The following PLD5 variants were observed in gnomAD, a reference collection of about 807,000 sequenced individuals.
The protein encoded by PLD5 is phospholipase D family member 5, also known as inactive phospholipase D5.
In PLD5, 36 loss-of-function variants were observed where a neutral mutation model predicts 61.1. The ratio of observed to expected loss-of-function variants is 0.59; its 90% CI spans 0.45 to 0.78. The LOEUF (loss-of-function observed/expected upper bound fraction) is 0.78, where lower values mean the gene tolerates loss of function less well. Among genes scored for constraint, PLD5 ranks in the 30% least tolerant of loss-of-function variants. The pLI, the probability that PLD5 is intolerant of heterozygous loss-of-function variation, is 0.00. For synonymous variants in PLD5, 243 were observed against 242.8 expected, an observed-to-expected ratio of 1.00 and a Z score of -0.01; for missense variants, 515 against 644.4, an observed-to-expected ratio of 0.80 and a Z score of 2.17.
intron 5 of PLD5, among the ~76,000 whole-genome samples, chr1:242,189,854 G>A (rs1166592824): frequency 6.6e-6 from 1 of 152,206 alleles, no homozygotes; most frequent in Non-Finnish European, 1.5e-5. Flanking sequence ...AAGAAGGGGG[G>A]CAAGCTTGGC....
intron 3 of PLD5, among the ~76,000 whole-genome samples, chr1:242,274,007 G>A (rs1357984619): frequency 6.6e-6 from 1 of 152,118 alleles, no homozygotes; most frequent in Non-Finnish European, 1.5e-5. Flanking sequence ...CTACCTCCAG[G>A]TCTGTAAGAA....
intron 2 of PLD5, among the ~76,000 whole-genome samples, chr1:242,327,946 A>T (rs1387967288): frequency 6.6e-6 from 1 of 151,502 alleles, no homozygotes; most frequent in East Asian, 2.0e-4. Flanking sequence ...GAAAAAAAAA[A>T]TTAGCTGGGT....
intron 5 of PLD5, among the ~76,000 whole-genome samples, chr1:242,148,210 T>C (rs890595319): frequency 6.7e-6 from 1 of 150,308 alleles, no homozygotes; most frequent in Admixed American, 6.7e-5. Flanking sequence ...AGTATGAATC[T>C]AGATCATTTT....
In PLD5 at chr1:242,447,544, T is replaced by C. The variant is rs374263861; in HGVS notation, c.189+76544A>G. Among the ~76,000 whole-genome samples, 336 of 152,376 alleles carry C rather than the reference T, an allele frequency of 2.2e-3. 3 individuals are homozygous for C. In the South Asian group the frequency reaches 0.023, roughly 10 times the overall value. ...GGTGGTCCCTGTTAAATTATTGCCA[T>C]TTTAGTGTCTGTCATTAAGAAGAGC... On this transcript the variant is annotated intron_variant, in intron 1 of 9. Transcript: ENST00000536534.
In PLD5 at chr1:242,098,388, A is replaced by AT. The variant is rs1179486362; in HGVS notation, c.1354+2279dup. ...CTTGTGCATTCGTCACGTAGTTCTC[A>AT]TGCCGTGGTTTTCAGCTCCATCAGA... On this transcript the variant is annotated intron_variant, in intron 9 of 9. Coordinates refer to ENST00000536534, the MANE Select transcript of PLD5 (RefSeq NM_001372062.1). Among the ~76,000 whole-genome samples, 6 of 152,150 alleles carry AT rather than the reference A, an allele frequency of 3.9e-5. No individual in the cohort carries two copies. In the South Asian group the frequency reaches 1.2e-3, roughly 32 times the overall value.
chr1:242,496,701 A>G (rs1324310379), intron 1 of PLD5, among the ~76,000 whole-genome samples: 1 of 152,230 alleles, frequency 6.6e-6, no homozygotes, highest in East Asian at 1.9e-4. Flanking sequence ...TATCTAAAGA[A>G]GCTCAGAACT....
chr1:242,284,119 CTTTTTTTTTT>C (rs565165218), intron 3 of PLD5, among the ~76,000 whole-genome samples: 4 of 75,950 alleles, frequency 5.3e-5, no homozygotes, highest in South Asian at 6.4e-4. Context: ...TTTCTTTTTC[CTTTTTTTTTT>C]TTTTTTTTTT....
At chr1:242,262,711 T>C (rs147586189) in intron 4 of PLD5, among the ~76,000 whole-genome samples, 13,004 of 151,730 alleles carry the variant, frequency 0.086, 564 homozygotes, top group Middle Eastern at 0.12. Context: ...GAGCGTGGAG[T>C]TGAGTTTCTA....
At chr1:242,146,648 T>C (rs1338362511) in intron 5 of PLD5, among the ~76,000 whole-genome samples, 1 of 152,104 alleles carries the variant, frequency 6.6e-6, no homozygotes, top group Admixed American at 6.6e-5. Context: ...TTTTTATGAC[T>C]CAGAAAAACA....
intron 1 of PLD5, among the ~76,000 whole-genome samples, chr1:242,362,437 A>G (rs1216110222): frequency 7.9e-5 from 12 of 152,156 alleles, no homozygotes; most frequent in Admixed American, 7.9e-4. Flanking sequence ...TGTTATTATT[A>G]CCAGCTTTTG....
intron 5 of PLD5, among the ~76,000 whole-genome samples, chr1:242,172,339 GAC>G (rs1415073707): frequency 1.3e-5 from 2 of 152,216 alleles, no homozygotes; most frequent in Non-Finnish European, 2.9e-5. Context: ...TGAGAACAAA[GAC>G]ACAATGTACC....
chr1:242,462,741 T>C (rs938091817), intron 1 of PLD5, among the ~76,000 whole-genome samples: 4 of 152,134 alleles, frequency 2.6e-5, no homozygotes, highest in African/African-American at 9.7e-5. Context: ...TCTGCATAGA[T>C]AACCTCACTG....
chr1:242,343,512 T>A (rs1157724381), intron 2 of PLD5, among the ~76,000 whole-genome samples: 1 of 151,394 alleles, frequency 6.6e-6, no homozygotes. Flanking sequence ...ACTGGCATGC[T>A]CGAGCTTCTG....
rs79995135 is a variant in PLD5, at chr1:242,469,304, T to C, written c.189+54784A>G. On this transcript the variant is annotated intron_variant, in intron 1 of 9. Coordinates refer to ENST00000536534, the MANE Select transcript of PLD5 (RefSeq NM_001372062.1). Reference sequence around the variant, plus strand: ...TTTCCTGCCCTACGCTGACCATAGATGTTACCAATCATTTTTCTTTTTTGA... The same window carrying C: ...TTTCCTGCCCTACGCTGACCATAGACGTTACCAATCATTTTTCTTTTTTGA... Among the ~76,000 whole-genome samples the C allele has an allele frequency of 8.7e-3, 1,330 of 152,320 alleles. 26 individuals are homozygous for C. Among genetic ancestry groups the C allele is most frequent in the African/African-American group, 0.031 (1,283 of 41,580 alleles).
At chr1:242,338,704 T>G (rs1287830900) in intron 2 of PLD5, among the ~76,000 whole-genome samples, 2 of 152,166 alleles carry the variant, frequency 1.3e-5, no homozygotes, top group Non-Finnish European at 2.9e-5. Flanking sequence ...TTTTTAAACT[T>G]TAGCTGTGGA....
At chr1:242,460,092 C>T (rs1350618174) in intron 1 of PLD5, among the ~76,000 whole-genome samples, 1 of 151,650 alleles carries the variant, frequency 6.6e-6, no homozygotes, top group Non-Finnish European at 1.5e-5. Flanking sequence ...TGTTCTAAGG[C>T]TCTGTTAGAA....
intron 7 of PLD5, among the ~76,000 whole-genome samples, chr1:242,111,750 AC>A (rs1227539505): frequency 6.6e-6 from 1 of 152,036 alleles, no homozygotes; most frequent in Non-Finnish European, 1.5e-5. Context: ...TGATGCTTGG[AC>A]GACTACTTAT....
chr1:242,376,629 T>C (rs1211197199), intron 1 of PLD5, among the ~76,000 whole-genome samples: 1 of 152,062 alleles, frequency 6.6e-6, no homozygotes, highest in Admixed American at 6.6e-5. Flanking sequence ...AAAAGAAAAA[T>C]TCTAACCCAA....
chr1:242,498,074 C>T (rs1344012300), intron 1 of PLD5, among the ~76,000 whole-genome samples: 1 of 152,166 alleles, frequency 6.6e-6, no homozygotes, highest in Non-Finnish European at 1.5e-5. Flanking sequence ...AAGCAATTGT[C>T]CTGCCTCAGC....
Sources: gnomAD v4.1 joint callset for allele counts (sites outside exome capture counted in the v4.1 genomes callset) on GRCh38, gnomAD v4.1.1 for gene constraint, MANE v1.5 for transcripts, NCBI Gene and HGNC (gene_info 2026-07-23, HGNC 2026-07-21) for gene names.